MRPS27: variants seen among roughly 807,000 people sequenced by gnomAD.
MRPS27 encodes the protein mitochondrial ribosomal protein S27.
A neutral mutation model predicts 48.9 loss-of-function variants in MRPS27; 43 were observed. That is an observed-to-expected ratio of 0.88 (90% CI 0.69 to 1.13). MRPS27 has a LOEUF of 1.13. MRPS27 is among the 50% of genes most tolerant of loss of function. MRPS27 has a pLI of 0.00. For missense variants in MRPS27, 467 were observed against 476.3 expected, an observed-to-expected ratio of 0.98 and a Z score of 0.18; for synonymous variants, 188 against 171.9, an observed-to-expected ratio of 1.09 and a Z score of -0.73.
intron 1 of MRPS27, among the ~76,000 whole-genome samples, chr5:72,316,113 A>G (rs2112094162): frequency 6.6e-6 from 1 of 152,362 alleles, no homozygotes; most frequent in African/African-American, 2.4e-5. Context: ...GACGCCAGTC[A>G]CAAAAGACCA....
At chr5:72,289,895 A>C (rs1311018403) in intron 4 of MRPS27, among the ~76,000 whole-genome samples, 3 of 152,184 alleles carry the variant, frequency 2.0e-5, no homozygotes, top group Non-Finnish European at 1.5e-5. Context: ...CATGGTCCCA[A>C]CATGATTCGA....
intron 5 of MRPS27, 127 bp downstream of exon 5, chr5:72,237,881 TAATAAG>T (rs1230650510): frequency 1.6e-6 from 1 of 615,674 alleles, no homozygotes; most frequent in African/African-American, 1.8e-5. Context: ...TCCATTCTGT[TAATAAG>T]AATATTTGAG....
chr5:72,305,647 T>C (rs1033578494), intron 2 of MRPS27, among the ~76,000 whole-genome samples: 1 of 152,184 alleles, frequency 6.6e-6, no homozygotes, highest in African/African-American at 2.4e-5. Context: ...TTTAATCCAG[T>C]AGGGCTCATG....
intron 2 of MRPS27, among the ~76,000 whole-genome samples, chr5:72,302,951 C>T (rs1750160965): frequency 6.6e-6 from 1 of 152,174 alleles, no homozygotes; most frequent in Admixed American, 6.5e-5. Context: ...ACAAGTCAGC[C>T]CTCATGCCTC....
intron 5 of MRPS27, among the ~76,000 whole-genome samples, chr5:72,235,938 A>G (rs550812261): frequency 6.6e-6 from 1 of 152,266 alleles, no homozygotes; most frequent in South Asian, 2.1e-4. Context: ...TTGAAATACT[A>G]TTCAGTAAGG....
intron 4 of MRPS27, among the ~76,000 whole-genome samples, chr5:72,291,676 T>C (rs993180332): frequency 6.6e-6 from 1 of 152,222 alleles, no homozygotes; most frequent in African/African-American, 2.4e-5. Flanking sequence ...TTAGTGAAAA[T>C]AAAAATATAA....
intron 4 of MRPS27, among the ~76,000 whole-genome samples, chr5:72,264,445 G>A (rs773227545): frequency 1.8e-4 from 28 of 152,240 alleles, no homozygotes; most frequent in Non-Finnish European, 1.3e-4. Flanking sequence ...CTTACAAATT[G>A]AATTGTGTCT....
chr5:72,258,323 T>A (rs1748868057), intron 4 of MRPS27, among the ~76,000 whole-genome samples: 1 of 152,108 alleles, frequency 6.6e-6, no homozygotes, highest in Non-Finnish European at 1.5e-5. Context: ...TGATTTTTGT[T>A]TTTAGAGGCT....
At chr5:72,233,008 C>T (rs1447255520) in intron 6 of MRPS27, among the ~76,000 whole-genome samples, 1 of 152,114 alleles carries the variant, frequency 6.6e-6, no homozygotes, top group African/African-American at 2.4e-5. Flanking sequence ...TCAAGGTCAC[C>T]CTGACAGGCA....
chr5:72,253,551 G>A (rs1238791298), intron 4 of MRPS27, among the ~76,000 whole-genome samples: 2 of 152,160 alleles, frequency 1.3e-5, no homozygotes, highest in Non-Finnish European at 2.9e-5. Flanking sequence ...AAGGCGAGAA[G>A]AGATCTTTAA....
rs191162594 is a variant in MRPS27, at chr5:72,277,110, A to C, written c.281+18421T>G. 3.7e-3 allele frequency among the ~76,000 whole-genome samples: 568 copies of C among 152,268 alleles called. 1 individual carries two copies. Among genetic ancestry groups the C allele is most frequent in the African/African-American group, 0.013 (552 of 41,566 alleles). On this transcript the variant is annotated intron_variant, in intron 4 of 10. Transcript: ENST00000261413. ...TTTATGCAGCCAACAAACATATGAA[A>C]AAAAGGTCAACATCACTGATCATTA...
chr5:72,237,879 G>A, intron 5 of MRPS27, 135 bp downstream of exon 5: 1 of 606,838 alleles, frequency 1.6e-6, no homozygotes, highest in Non-Finnish European at 2.9e-6. Flanking sequence ...GCTCCATTCT[G>A]TTAATAAGAA....
intron 4 of MRPS27, among the ~76,000 whole-genome samples, chr5:72,286,947 T>A (rs1474586433): frequency 2.6e-5 from 4 of 152,212 alleles, no homozygotes; most frequent in African/African-American, 9.6e-5. Flanking sequence ...AGCAGATTCC[T>A]TAGATATGGG....
At chr5:72,254,740 A>C (rs1481716658) in intron 4 of MRPS27, among the ~76,000 whole-genome samples, 4 of 152,182 alleles carry the variant, frequency 2.6e-5, no homozygotes, top group African/African-American at 7.2e-5. Context: ...GTAACATTAC[A>C]CAAGCCATGT....
chr5:72,264,808 T>C (rs142967956), intron 4 of MRPS27, among the ~76,000 whole-genome samples: 21 of 152,344 alleles, frequency 1.4e-4, no homozygotes, highest in African/African-American at 4.8e-4. Context: ...GATTCCAGAC[T>C]TCTAGCCAGA....
intron 4 of MRPS27, chr5:72,241,597 C>T (rs1748351886): frequency 3.3e-6 from 5 of 1,496,622 alleles, no homozygotes; most frequent in Non-Finnish European, 4.5e-6. Context: ...GACTTTTCAA[C>T]TTCCAGTAGT....
intron 4 of MRPS27, among the ~76,000 whole-genome samples, chr5:72,242,177 G>C (rs1180643811): frequency 8.5e-5 from 13 of 152,134 alleles, no homozygotes; most frequent in Non-Finnish European, 2.9e-5. Context: ...GGTGAAGACA[G>C]AGCTTGCCTA....
intron 2 of MRPS27, among the ~76,000 whole-genome samples, chr5:72,309,343 G>A (rs1279130395): frequency 6.6e-6 from 1 of 151,712 alleles, no homozygotes; most frequent in Non-Finnish European, 1.5e-5. Context: ...CTGGCTCACT[G>A]CAACCTCTGC....
chr5:72,315,790 C>T (rs1193898009), intron 1 of MRPS27, among the ~76,000 whole-genome samples: 1 of 152,150 alleles, frequency 6.6e-6, no homozygotes, highest in Non-Finnish European at 1.5e-5. Flanking sequence ...GAACATAAAA[C>T]AGTGCAGCTG....
Sources: allele counts gnomAD v4.1 joint callset (sites outside exome capture counted in the v4.1 genomes callset), GRCh38; gene constraint gnomAD v4.1.1; transcripts MANE v1.5; gene names NCBI Gene and HGNC (gene_info 2026-07-23, HGNC 2026-07-21).